The following SYNPR variants were observed in gnomAD, a reference collection of about 807,000 sequenced individuals.
SYNPR encodes synaptoporin.
Under a neutral mutation model 32.9 loss-of-function variants are expected in SYNPR, and 23 were observed. The observed-to-expected ratio is 0.70, with a 90% CI of 0.50 to 0.99. The LOEUF (loss-of-function observed/expected upper bound fraction) is 0.99, where lower values mean the gene tolerates loss of function less well. Among genes scored for constraint, SYNPR ranks in the 50% least tolerant of loss-of-function variants. The pLI is 0.00. For missense variants in SYNPR, 318 were observed against 349.3 expected, an observed-to-expected ratio of 0.91 and a Z score of 0.71; for synonymous variants, 146 against 135.9, an observed-to-expected ratio of 1.07 and a Z score of -0.52.
chr3:63,323,828 G>C (rs761298892), intron 2 of SYNPR, among the ~76,000 whole-genome samples: 1 of 152,074 alleles, frequency 6.6e-6, no homozygotes, highest in African/African-American at 2.4e-5. Flanking sequence ...TCCAAGAATT[G>C]TTGTTTTTCA....
At chr3:63,259,253 G>A (rs1039757521) in intron 2 of SYNPR, among the ~76,000 whole-genome samples, 4 of 152,144 alleles carry the variant, frequency 2.6e-5, no homozygotes, top group African/African-American at 4.8e-5. Flanking sequence ...ACCAAAGCAT[G>A]GCAGAGACTC....
intron 1 of SYNPR, among the ~76,000 whole-genome samples, chr3:63,232,192 CTTTTTTTTTTTT>C (rs57078088): frequency 2.2e-4 from 13 of 59,514 alleles, no homozygotes; most frequent in Admixed American, 8.2e-4. Flanking sequence ...CAGATTCTGA[CTTTTTTTTTTTT>C]TTTTTTTTTT....
chr3:63,278,691 C>T lies in SYNPR; in HGVS notation c.33C>T (p.Gly11=). MDPVSQLASA[G]TFRVLKEPLA... is the part of the protein sequence containing the mutation. ...TTCCCCCAAAGCTGGCCTCTGCGGG[C>T]ACCTTCCGGGTGCTGAAGGAGCCCC... The change falls in exon 2 of 6, where the codon GGC becomes GGT. Residue 11 remains glycine (G), a synonymous_variant. Coordinates refer to ENST00000478300, the MANE Select transcript of SYNPR (RefSeq NM_001130003.2). 6 of 1,551,688 alleles carry T rather than the reference C, an allele frequency of 3.9e-6. No homozygotes were observed. The highest frequency in any genetic ancestry group is 5.2e-6 in the Non-Finnish European group (6 of 1,146,988).
At chr3:63,510,696 T>C (rs1188125818) in intron 3 of SYNPR, among the ~76,000 whole-genome samples, 2 of 152,098 alleles carry the variant, frequency 1.3e-5, no homozygotes, top group African/African-American at 4.8e-5. Context: ...TCAAGGCGTG[T>C]GAATTTTGTT....
In SYNPR at chr3:63,534,723, C is replaced by T. The variant is rs531105979; in HGVS notation, c.210-21820C>T. Among the ~76,000 whole-genome samples the T allele has an allele frequency of 2.4e-3, 360 of 152,204 alleles. 3 individuals are homozygous for T. Among genetic ancestry groups the T allele is most frequent in the Non-Finnish European group, 4.3e-3 (292 of 68,004 alleles). ...TGGTAAGGGCTTCAGGCTGCTCCAG[C>T]TCACGGTTGAAAGCAGAAGGGGACC... On this transcript the variant is annotated intron_variant, in intron 3 of 5. Coordinates refer to ENST00000478300, the MANE Select transcript of SYNPR (RefSeq NM_001130003.2).
At chr3:63,520,974 G>A (rs1030731304) in intron 3 of SYNPR, among the ~76,000 whole-genome samples, 1 of 152,120 alleles carries the variant, frequency 6.6e-6, no homozygotes, top group Non-Finnish European at 1.5e-5. Context: ...CCATTTGTGT[G>A]GAAATCTCTA....
At chr3:63,594,264 G>A (rs1699895032) in intron 4 of SYNPR, among the ~76,000 whole-genome samples, 1 of 152,098 alleles carries the variant, frequency 6.6e-6, no homozygotes, top group Non-Finnish European at 1.5e-5. Flanking sequence ...TGCAACCAAA[G>A]TTTAGCAGCT....
At chr3:63,579,594 T>A (rs1180045868) in intron 4 of SYNPR, among the ~76,000 whole-genome samples, 1 of 152,180 alleles carries the variant, frequency 6.6e-6, no homozygotes, top group Non-Finnish European at 1.5e-5. Flanking sequence ...TGTCCAAGAC[T>A]ATATTTCCAG....
intron 3 of SYNPR, among the ~76,000 whole-genome samples, chr3:63,482,671 C>T (rs907716339): frequency 2.0e-5 from 3 of 152,208 alleles, no homozygotes; most frequent in African/African-American, 7.2e-5. Flanking sequence ...CAGTATTAGC[C>T]AATCTCCTTT....
intron 2 of SYNPR, among the ~76,000 whole-genome samples, chr3:63,445,163 G>T (rs1253483145): frequency 6.6e-6 from 1 of 151,896 alleles, no homozygotes; most frequent in Non-Finnish European, 1.5e-5. Flanking sequence ...GAAGTCATTT[G>T]CTATAGACAG....
At chr3:63,315,224 T>A (rs1193697853) in intron 2 of SYNPR, among the ~76,000 whole-genome samples, 1 of 152,092 alleles carries the variant, frequency 6.6e-6, no homozygotes, top group Non-Finnish European at 1.5e-5. Context: ...GTGAGCTCTT[T>A]TTTGGTTCCA....
chr3:63,527,382 T>A (rs1195555361), intron 3 of SYNPR, among the ~76,000 whole-genome samples: 3 of 149,892 alleles, frequency 2.0e-5, no homozygotes, highest in Non-Finnish European at 4.5e-5. Context: ...TCCTTTCCAT[T>A]AAAAAAAAAA....
chr3:63,246,235 G>T (rs2086289313), intron 1 of SYNPR, among the ~76,000 whole-genome samples: 1 of 152,024 alleles, frequency 6.6e-6, no homozygotes, highest in African/African-American at 2.4e-5. Context: ...TGTTAAATTA[G>T]ATTTCTTTAC....
the SYNPR span, among the ~76,000 whole-genome samples, chr3:63,219,885 C>T: frequency 1.3e-5 from 2 of 152,200 alleles, no homozygotes; most frequent in East Asian, 1.9e-4. Flanking sequence ...GGGAGGTAGG[C>T]ACACTTGGTA....
chr3:63,239,005 C>G (rs1293494535), intron 1 of SYNPR, among the ~76,000 whole-genome samples: 6 of 151,858 alleles, frequency 4.0e-5, no homozygotes, highest in Non-Finnish European at 8.8e-5. Context: ...TAAACACAAC[C>G]AAGATTGAGC....
intron 2 of SYNPR, among the ~76,000 whole-genome samples, chr3:63,347,699 T>G (rs11712437): frequency 0.18 from 26,700 of 152,086 alleles, 2,496 homozygotes; most frequent in Non-Finnish European, 0.19. Flanking sequence ...ACACATCATA[T>G]AGTTTCCAAT....
At chr3:63,483,258 G>A (rs1701081765) in intron 3 of SYNPR, among the ~76,000 whole-genome samples, 1 of 152,206 alleles carries the variant, frequency 6.6e-6, no homozygotes, top group Non-Finnish European at 1.5e-5. Flanking sequence ...AGCAGGCTCA[G>A]TGAATGATTT....
rs980230971 is a variant in SYNPR at position 63,511,850 on chromosome 3, C to A, written c.209+30894C>A. On this transcript the variant is annotated intron_variant, in intron 3 of 5. Transcript: ENST00000478300. ...GCCCTGAAGGAGCTTACTTTTTATG[C>A]TGTAGTCTCTTCTCTTTTCTTCATT... Among the ~76,000 whole-genome samples, 9 of 152,084 alleles carry A rather than the reference C, an allele frequency of 5.9e-5. No individual in the cohort carries two copies. The East Asian group carries it at 1.7e-3, about 29-fold the overall frequency.
intron 1 of SYNPR, among the ~76,000 whole-genome samples, chr3:63,234,813 T>C (rs998645376): frequency 6.6e-6 from 1 of 152,220 alleles, no homozygotes; most frequent in Non-Finnish European, 1.5e-5. Flanking sequence ...TTTGTATTTG[T>C]TAACAGGATA....
Sources: gnomAD v4.1 joint callset for allele counts (sites outside exome capture counted in the v4.1 genomes callset) on GRCh38, gnomAD v4.1.1 for gene constraint, MANE v1.5 for transcripts, NCBI Gene and HGNC (gene_info 2026-07-23, HGNC 2026-07-21) for gene names.